The following PHACTR2 variants were observed in gnomAD, a reference collection of about 807,000 sequenced individuals.
PHACTR2 encodes the protein phosphatase and actin regulator 2.
A neutral mutation model predicts 76.0 loss-of-function variants in PHACTR2; 30 were observed. The ratio of observed to expected loss-of-function variants is 0.39; its 90% confidence interval spans 0.30 to 0.54. The LOEUF (loss-of-function observed/expected upper bound fraction) is 0.54, where lower values mean the gene tolerates loss of function less well. Ranked by LOEUF, PHACTR2 falls within the 20% of genes least tolerant of loss-of-function variation. PHACTR2 has a pLI of 0.61. For synonymous variants in PHACTR2, 292 were observed against 292.5 expected (o/e 1.00, Z 0.02); for missense variants, 696 against 781.1 (o/e 0.89, Z 1.30).
At chr6:143,638,431 G>A (rs962629124) in intron 1 of PHACTR2, among the ~76,000 whole-genome samples, 2 of 151,876 alleles carry the variant, frequency 1.3e-5, no homozygotes, top group African/African-American at 4.8e-5. Context: ...CATAGTCCCA[G>A]CTACTCAGGA....
chr6:143,668,998 G>A (rs1246189115), intron 1 of PHACTR2, among the ~76,000 whole-genome samples: 1 of 152,112 alleles, frequency 6.6e-6, no homozygotes. Flanking sequence ...GCTTTCTCCT[G>A]TAGGCATTTA....
chr6:143,721,852 A>T (rs1173658988), intron 2 of PHACTR2, among the ~76,000 whole-genome samples: 4 of 152,178 alleles, frequency 2.6e-5, no homozygotes, highest in Admixed American at 2.6e-4. Context: ...ACATGGTCAT[A>T]AACAAGCCTG....
rs1332730233 is a variant in PHACTR2 at position 143,764,856 on chromosome 6, G to T, written c.695-405G>T. Among the ~76,000 whole-genome samples the T allele has an allele frequency of 6.6e-6, 1 of 152,172 alleles. No individual in the cohort carries two copies. Among genetic ancestry groups the T allele is most frequent in the African/African-American group, 2.4e-5 (1 of 41,454 alleles). On this transcript the variant is annotated intron_variant, in intron 5 of 12. Transcript: ENST00000440869. This position sits in a 1 kb window ranked among gnomAD's most constrained non-coding sequence, Gnocchi z 4.7. ...ACAGCATAGAACATGTATAATTTAT[G>T]ATGAGCCTAATTGTGTGCTACACCC...
At chr6:143,756,496 C>T (rs936463144) in intron 4 of PHACTR2, among the ~76,000 whole-genome samples, 1 of 150,644 alleles carries the variant, frequency 6.6e-6, no homozygotes, top group African/African-American at 2.4e-5. Flanking sequence ...GAGATCGAGA[C>T]CATCCTGGCT....
At position 143,787,591 on chromosome 6, in the gene PHACTR2, CT is replaced by C. The variant is rs956359543; in HGVS notation, c.1708-1181del. 3.9e-5 allele frequency among the ~76,000 whole-genome samples: 6 copies of C among 152,112 alleles called. No individual in the cohort carries two copies. The highest frequency in any genetic ancestry group is 2.0e-4 in the Admixed American group (3 of 15,258). ...AGGCCCAGGAAAGGGCTGTTAATGA[CT>C]ACAGAATGTAGACCCAGTGCAAAAT... On this transcript the variant is annotated intron_variant, in intron 10 of 12. Coordinates refer to ENST00000440869, the MANE Select transcript of PHACTR2 (RefSeq NM_001100164.2). This position sits in a 1 kb window ranked among gnomAD's most constrained non-coding sequence, Gnocchi z 4.6.
At chr6:143,636,727 A>G (rs1776461788) in intron 1 of PHACTR2, among the ~76,000 whole-genome samples, 1 of 152,150 alleles carries the variant, frequency 6.6e-6, no homozygotes, top group Non-Finnish European at 1.5e-5. Context: ...TGAACAATGA[A>G]TTTTCAGGTC....
chr6:143,732,375 A>G (rs566300065), intron 2 of PHACTR2, among the ~76,000 whole-genome samples: 26 of 152,344 alleles, frequency 1.7e-4, no homozygotes, highest in Non-Finnish European at 3.2e-4. Flanking sequence ...GAATCATACA[A>G]TACATATGTG....
In PHACTR2 at chr6:143,696,783, C is replaced by A. The variant is rs1386425246; in HGVS notation, c.47-15233C>A. On this transcript the variant is annotated intron_variant, in intron 1 of 12. Coordinates refer to ENST00000440869, the MANE Select transcript of PHACTR2 (RefSeq NM_001100164.2). The surrounding 1 kb of genome is among the most constrained non-coding windows in gnomAD (Gnocchi z 4.1). ...AACAAACCATTTTCTTCTCTGGAAGCTTTAGTGTGGAAATACCTAAGTGTC... is the reference window on the plus strand; with the variant it reads ...AACAAACCATTTTCTTCTCTGGAAGATTTAGTGTGGAAATACCTAAGTGTC... 3.3e-5 allele frequency among the ~76,000 whole-genome samples: 5 copies of A among 152,304 alleles called. No individual in the cohort carries two copies. In the East Asian group the frequency reaches 9.7e-4, roughly 29 times the overall value.
At chr6:143,590,142 A>T (rs12212759) in intron 1 of PHACTR2, among the ~76,000 whole-genome samples, 1 of 152,072 alleles carries the variant, frequency 6.6e-6, no homozygotes, top group East Asian at 1.9e-4. Context: ...TTTGATTTAC[A>T]TAAGAGTGGA....
intron 10 of PHACTR2, among the ~76,000 whole-genome samples, chr6:143,786,704 C>G (rs1170826675): frequency 1.3e-5 from 2 of 152,180 alleles, no homozygotes; most frequent in Non-Finnish European, 2.9e-5. Flanking sequence ...ATTGTGGCAG[C>G]AAGATAAAAT....
rs1387741160 is a variant in PHACTR2 at position 143,731,411 on chromosome 6, CGGAGTAGCT to C, written c.215-17571_215-17563del. Among the ~76,000 whole-genome samples, 1 of 152,228 alleles carries C rather than the reference CGGAGTAGCT, an allele frequency of 6.6e-6. No individual in the cohort carries two copies. Among genetic ancestry groups the C allele is most frequent in the Admixed American group, 6.5e-5 (1 of 15,298 alleles). On this transcript the variant is annotated intron_variant, in intron 2 of 12. Coordinates refer to ENST00000440869, the MANE Select transcript of PHACTR2 (RefSeq NM_001100164.2). The surrounding 1 kb of genome is among the most constrained non-coding windows in gnomAD (Gnocchi z 4.9). ...CAAGTGATTCTCCTGCCTCAGCCTCCGGAGTAGCTGGGATTATAGGCATGAGCCACCACG... is the reference window on the plus strand; with the variant it reads ...CAAGTGATTCTCCTGCCTCAGCCTCCGGGATTATAGGCATGAGCCACCACG...
Position 143,680,334 on chromosome 6 carries a change from AGTT to A in PHACTR2, c.46+2129_46+2131del, listed in dbSNP as rs1777362146. 6.6e-6 allele frequency among the ~76,000 whole-genome samples: 1 copy of A among 152,094 alleles called. No homozygotes were observed. The highest frequency in any genetic ancestry group is 1.5e-5 in the Non-Finnish European group (1 of 67,996). On this transcript the variant is annotated intron_variant, in intron 1 of 12. Coordinates refer to ENST00000440869, the MANE Select transcript of PHACTR2 (RefSeq NM_001100164.2). The surrounding 1 kb of genome is among the most constrained non-coding windows in gnomAD (Gnocchi z 4.5). ...TTCTGTTTGATCTTAGCCATTGACT[AGTT>A]GTTTAAGTCTGGAGCAGCTGCTTAG... is the stretch of plus-strand genomic sequence containing the variant.
intron 12 of PHACTR2, among the ~76,000 whole-genome samples, chr6:143,808,750 A>G (rs1204148532): frequency 1.3e-5 from 2 of 152,118 alleles, no homozygotes; most frequent in Non-Finnish European, 2.9e-5. Context: ...GTTTTTATAT[A>G]CATGTAGAGC....
At chr6:143,808,332 T>C (rs1191447971) in intron 12 of PHACTR2, among the ~76,000 whole-genome samples, 1 of 152,062 alleles carries the variant, frequency 6.6e-6, no homozygotes, top group Admixed American at 6.6e-5. Context: ...TTTCACCATG[T>C]TGGTCCAGCT....
At position 143,539,063 on chromosome 6, in the gene PHACTR2, T is replaced by C. The variant is rs984944704; in HGVS notation, c.217+1856T>C. ...TGGTGATTGTAGACAAAGTATAGCT[T>C]GCATCGCCATTTTTCATTTTCATGG... On this transcript the variant is annotated intron_variant, in intron 1 of 11. Transcript: ENST00000367584. The surrounding 1 kb of genome is among the most constrained non-coding windows in gnomAD (Gnocchi z 4.3). 6.6e-5 allele frequency among the ~76,000 whole-genome samples: 10 copies of C among 152,362 alleles called. No homozygotes were observed. The highest frequency in any genetic ancestry group is 2.4e-4 in the African/African-American group (10 of 41,584).
At chr6:143,756,069 A>G (rs1351573590) in intron 4 of PHACTR2, among the ~76,000 whole-genome samples, 1 of 151,990 alleles carries the variant, frequency 6.6e-6, no homozygotes, top group Non-Finnish European at 1.5e-5. Flanking sequence ...TCTGTCATCT[A>G]TTTGGTTATA....
rs931215088 is a variant in PHACTR2 at position 143,783,393 on chromosome 6, T to G, written c.1707+113T>G. 20 of 630,962 alleles carry G rather than the reference T, an allele frequency of 3.2e-5. No individual in the cohort carries two copies. Among genetic ancestry groups the G allele is most frequent in the Non-Finnish European group, 5.6e-5 (20 of 357,656 alleles). The allele number at this position is 630,962 out of a possible 1,614,324, so 39.1% of individuals were successfully genotyped here. ...AGATGTTTAGAAATAATTATTCCTA[T>G]TAGTCTATAATCATAGACATCAAAA... On this transcript the variant is annotated intron_variant, in intron 10 of 12. Transcript: ENST00000440869. This position sits in a 1 kb window ranked among gnomAD's most constrained non-coding sequence, Gnocchi z 5.2.
At chr6:143,714,666 G>A (rs1328822266) in intron 2 of PHACTR2, among the ~76,000 whole-genome samples, 1 of 152,160 alleles carries the variant, frequency 6.6e-6, no homozygotes, top group Non-Finnish European at 1.5e-5. Flanking sequence ...GTGTCTGGCT[G>A]TTAGATTCTA....
intron 1 of PHACTR2, among the ~76,000 whole-genome samples, chr6:143,657,395 A>C (rs1212495788): frequency 2.0e-5 from 3 of 152,028 alleles, no homozygotes; most frequent in Non-Finnish European, 4.4e-5. Context: ...GTCAGTCCCC[A>C]CCGAGGCAAA....
Sources: gnomAD v4.1 joint callset for allele counts (sites outside exome capture counted in the v4.1 genomes callset) on GRCh38, gnomAD v4.1.1 for gene constraint, Gnocchi (gnomAD v3.1) non-coding constraint, MANE v1.5 for transcripts, NCBI Gene and HGNC (gene_info 2026-07-23, HGNC 2026-07-21) for gene names.